Variants in MECOM observed in about 807,000 individuals in gnomAD.
MECOM encodes histone-lysine N-methyltransferase MECOM.
Under a neutral mutation model 116.3 loss-of-function variants are expected in MECOM, and 13 were observed. The ratio of observed to expected loss-of-function variants is 0.11; its 90% CI spans 0.07 to 0.18. MECOM has a LOEUF of 0.18. MECOM is among the 10% of genes least tolerant of loss of function. The probability of loss-of-function intolerance (pLI) is 1.00; values close to 1 mark genes in which losing one functional copy is unlikely to be tolerated. For synonymous variants in MECOM, 528 were observed against 535.2 expected, an observed-to-expected ratio of 0.99 and a Z score of 0.19; for missense variants, 1,299 against 1,509.0, an observed-to-expected ratio of 0.86 and a Z score of 2.31.
chr3:169,519,996 G>A lies in MECOM; in HGVS notation c.38-138472C>T, dbSNP rs184066241. 3.9e-5 allele frequency among the ~76,000 whole-genome samples: 6 copies of A among 152,330 alleles called. No individual in the cohort carries two copies. In the South Asian group the frequency reaches 6.2e-4, roughly 16 times the overall value. The stretch of plus-strand genomic sequence containing the variant: ...GCAACTGGTTCAAGGTTAGGCACAC[G>A]ACCCAAGCCAGGCCAAAGTCTACAT... On this transcript the variant is annotated intron_variant, in intron 1 of 16. Coordinates refer to ENST00000651503, the MANE Select transcript of MECOM (RefSeq NM_004991.4).
chr3:169,607,790 A>C (rs1257490583), intron 1 of MECOM, among the ~76,000 whole-genome samples: 1 of 152,252 alleles, frequency 6.6e-6, no homozygotes, highest in Non-Finnish European at 1.5e-5. Context: ...ACACTCGTAG[A>C]ATAAAAATTT....
chr3:169,203,595 T>G (rs1577336081), intron 2 of MECOM, among the ~76,000 whole-genome samples: 1 of 152,260 alleles, frequency 6.6e-6, no homozygotes, highest in Admixed American at 6.5e-5. Flanking sequence ...GGAAAATAAT[T>G]AACACTCCTT....
intron 2 of MECOM, among the ~76,000 whole-genome samples, chr3:169,213,452 G>A (rs1304214261): frequency 6.6e-6 from 1 of 152,012 alleles, no homozygotes; most frequent in Non-Finnish European, 1.5e-5. Context: ...TTTATACCAT[G>A]TGAAATATTC....
intron 1 of MECOM, among the ~76,000 whole-genome samples, chr3:169,502,893 T>C (rs894026979): frequency 6.6e-6 from 1 of 152,210 alleles, no homozygotes; most frequent in Non-Finnish European, 1.5e-5. Context: ...TATTAGGTTA[T>C]CAATGCCTAC....
chr3:169,321,272 T>C (rs1213310570), intron 2 of MECOM, among the ~76,000 whole-genome samples: 1 of 152,164 alleles, frequency 6.6e-6, no homozygotes, highest in Non-Finnish European at 1.5e-5. Context: ...CCGGGTGAGG[T>C]GGCTCACTCC....
Position 169,405,727 on chromosome 3 carries a change from C to A in MECOM, c.38-24203G>T, listed in dbSNP as rs2030514. On this transcript the variant is annotated intron_variant, in intron 1 of 16. Transcript: ENST00000651503. The stretch of plus-strand genomic sequence containing the variant: ...TCTAATACTTAGGTACTTAACTGTT[C>A]CCCTTCCCCTAAATGTACTACCTCT... Among the ~76,000 whole-genome samples the A allele has an allele frequency of 3.0e-3, 455 of 152,302 alleles. 19 individuals are homozygous for A. The East Asian group carries it at 0.071, about 24-fold the overall frequency.
chr3:169,654,872 G>T (rs1324835981), intron 1 of MECOM, among the ~76,000 whole-genome samples: 3 of 151,234 alleles, frequency 2.0e-5, no homozygotes, highest in Non-Finnish European at 4.4e-5. Flanking sequence ...AGAAGATATA[G>T]ATCTTAAAAA....
chr3:169,180,794 G>GAGATAGATATATATAT (rs1553760969), intron 2 of MECOM, among the ~76,000 whole-genome samples: 1 of 108,794 alleles, frequency 9.2e-6, no homozygotes, highest in African/African-American at 3.2e-5. Flanking sequence ...GTGTGGAGAT[G>GAGATAGATATATATAT]ATATATATAT....
chr3:169,484,869 A>G (rs1751913055), intron 1 of MECOM, among the ~76,000 whole-genome samples: 1 of 23,010 alleles, frequency 4.3e-5, no homozygotes, highest in African/African-American at 3.3e-4. Flanking sequence ...TCAGTAGTAA[A>G]GCAAGCACCG....
At chr3:169,548,942 A>G (rs1356214171) in intron 1 of MECOM, among the ~76,000 whole-genome samples, 1 of 151,408 alleles carries the variant, frequency 6.6e-6, no homozygotes, top group Admixed American at 6.6e-5. Flanking sequence ...TAACTGGGCC[A>G]TAAACACGTA....
intron 1 of MECOM, among the ~76,000 whole-genome samples, chr3:169,610,980 C>T (rs532365986): frequency 6.6e-6 from 1 of 152,316 alleles, no homozygotes; most frequent in South Asian, 2.1e-4. Context: ...TCACAGTTTA[C>T]TGGTCTTAAG....
chr3:169,387,072 G>A (rs1017439188), intron 1 of MECOM, among the ~76,000 whole-genome samples: 1 of 151,788 alleles, frequency 6.6e-6, no homozygotes, highest in Non-Finnish European at 1.5e-5. Context: ...TTTGCCATTT[G>A]GTATTTCGAT....
At position 169,115,844 on chromosome 3, in the gene MECOM, T is replaced by C. The variant is rs767708208; in HGVS notation, c.2028A>G (p.Thr676=). The C allele has an allele frequency of 6.2e-7, 1 of 1,613,986 alleles. No individual in the cohort carries two copies. Among genetic ancestry groups the C allele is most frequent in the African/African-American group, 1.3e-5 (1 of 74,926 alleles). Reference sequence around the variant, plus strand: ...TTTTGTCTTGCAGCCCCACCAGTCCTGTTGAACCAAAGTATTTTTCAGCAA... The same window carrying C: ...TTTTGTCTTGCAGCCCCACCAGTCCCGTTGAACCAAAGTATTTTTCAGCAA... The part of the protein sequence containing the change: ...ASIAEKYFGS[T]GLVGLQDKKV... Residue 676 remains threonine, a synonymous_variant, in exon 8 of 17, where the codon ACA becomes ACG. Coordinates refer to ENST00000651503, the MANE Select transcript of MECOM (RefSeq NM_004991.4).
chr3:169,123,946 G>T (rs1197895078), intron 5 of MECOM, among the ~76,000 whole-genome samples: 1 of 152,116 alleles, frequency 6.6e-6, no homozygotes, highest in East Asian at 1.9e-4. Flanking sequence ...GTAAATAAAG[G>T]GAAAATATTT....
chr3:169,289,603 CT>C (rs1412613765), intron 2 of MECOM, among the ~76,000 whole-genome samples: 21 of 152,190 alleles, frequency 1.4e-4, no homozygotes, highest in Admixed American at 1.4e-3. Flanking sequence ...TGAGCTACCC[CT>C]GACAGGCTGT....
intron 10 of MECOM, among the ~76,000 whole-genome samples, chr3:169,104,037 C>G (rs1454810684): frequency 6.6e-6 from 1 of 152,166 alleles, no homozygotes; most frequent in Non-Finnish European, 1.5e-5. Flanking sequence ...GATACATTTA[C>G]TTGTCAGACG....
intron 1 of MECOM, among the ~76,000 whole-genome samples, chr3:169,535,780 A>G (rs1474972449): frequency 6.6e-6 from 1 of 152,208 alleles, no homozygotes; most frequent in Non-Finnish European, 1.5e-5. Context: ...TAGGCACTCA[A>G]TAAATATTGA....
intron 1 of MECOM, among the ~76,000 whole-genome samples, chr3:169,441,336 C>T (rs1410131061): frequency 6.6e-6 from 1 of 152,120 alleles, no homozygotes; most frequent in African/African-American, 2.4e-5. Flanking sequence ...TTTCTATCAC[C>T]AAACAATACT....
chr3:169,435,440 G>A (rs1277571179), intron 1 of MECOM, among the ~76,000 whole-genome samples: 1 of 152,302 alleles, frequency 6.6e-6, no homozygotes, highest in East Asian at 1.9e-4. Context: ...ATTAATCACA[G>A]TGACAAAAGC....
Sources: gnomAD v4.1 joint callset for allele counts (sites outside exome capture counted in the v4.1 genomes callset) on GRCh38, gnomAD v4.1.1 for gene constraint, MANE v1.5 for transcripts, NCBI Gene and HGNC (gene_info 2026-07-23, HGNC 2026-07-21) for gene names.